Variants in NEGR1 observed in about 807,000 individuals in gnomAD.
NEGR1 encodes neuronal growth regulator 1.
A neutral mutation model predicts 40.9 loss-of-function variants in NEGR1; 10 were observed. The observed-to-expected ratio is 0.24, with a 90% confidence interval of 0.15 to 0.42. NEGR1 has a LOEUF of 0.42. Ranked by LOEUF, NEGR1 falls within the 10% of genes least tolerant of loss-of-function variation. The pLI is 1.00. For missense variants in NEGR1, 352 were observed against 438.9 expected (o/e 0.80, Z 1.77); for synonymous variants, 185 against 166.8 (o/e 1.11, Z -0.84).
intron 1 of NEGR1, among the ~76,000 whole-genome samples, chr1:72,140,325 T>C (rs553298087): frequency 6.6e-6 from 1 of 152,044 alleles, no homozygotes; most frequent in East Asian, 1.9e-4. Flanking sequence ...GAACAGGTAA[T>C]TTACAATGAA....
intron 4 of NEGR1, among the ~76,000 whole-genome samples, chr1:71,635,921 C>T (rs775889705): frequency 1.3e-5 from 2 of 151,768 alleles, no homozygotes; most frequent in Non-Finnish European, 2.9e-5. Flanking sequence ...GGTTCTTGAT[C>T]TGGGATAACT....
intron 2 of NEGR1, among the ~76,000 whole-genome samples, chr1:71,831,384 GT>G (rs1658835237): frequency 6.6e-6 from 1 of 151,902 alleles, no homozygotes; most frequent in African/African-American, 2.4e-5. Context: ...CTAGTTTGGG[GT>G]CATTCATGTT....
intron 1 of NEGR1, among the ~76,000 whole-genome samples, chr1:72,111,808 A>T (rs1649382035): frequency 6.6e-6 from 1 of 151,822 alleles, no homozygotes; most frequent in Admixed American, 6.6e-5. Context: ...TGAAAAGAGG[A>T]AATGGAGAGA....
chr1:72,231,930 A>G (rs760658926), intron 1 of NEGR1, among the ~76,000 whole-genome samples: 7 of 152,182 alleles, frequency 4.6e-5, no homozygotes, highest in Non-Finnish European at 1.0e-4. Context: ...TTACTCATAT[A>G]GATGCAGAGG....
intron 2 of NEGR1, among the ~76,000 whole-genome samples, chr1:71,898,881 AATATATATATATTGCAAAT>A (rs1557692677): frequency 7.6e-4 from 57 of 74,772 alleles, no homozygotes; most frequent in African/African-American, 2.7e-3. Flanking sequence ...ATATATTGCA[AATATATATATATTGCAAAT>A]ATATATATAT....
At chr1:71,991,948 C>T (rs765557782) in intron 1 of NEGR1, among the ~76,000 whole-genome samples, 11 of 152,046 alleles carry the variant, frequency 7.2e-5, no homozygotes, top group Middle Eastern at 3.2e-3. Context: ...CATACTGCCA[C>T]ACCTGGCTAA....
chr1:71,482,876 G>A (rs1324549410), intron 6 of NEGR1, among the ~76,000 whole-genome samples: 2 of 151,788 alleles, frequency 1.3e-5, no homozygotes, highest in South Asian at 2.1e-4. Flanking sequence ...CATGGATGAA[G>A]CACTAACGAT....
At chr1:71,962,959 A>T (rs1460023030) in intron 1 of NEGR1, among the ~76,000 whole-genome samples, 7 of 151,690 alleles carry the variant, frequency 4.6e-5, no homozygotes, top group Admixed American at 1.3e-4. Context: ...TGCTTATGAT[A>T]AAAAAAATAC....
At chr1:71,473,108 G>A (rs550743568) in intron 6 of NEGR1, among the ~76,000 whole-genome samples, 1 of 151,940 alleles carries the variant, frequency 6.6e-6, no homozygotes, top group Non-Finnish European at 1.5e-5. Flanking sequence ...AGAAGAAAAT[G>A]GAATAACAGG....
chr1:72,198,831 A>C (rs2100442737), intron 1 of NEGR1, among the ~76,000 whole-genome samples: 1 of 152,116 alleles, frequency 6.6e-6, no homozygotes, highest in South Asian at 2.1e-4. Flanking sequence ...ATCTTAAAAT[A>C]AGTTTTCCTT....
At chr1:72,271,794 C>T (rs748004703) in intron 1 of NEGR1, among the ~76,000 whole-genome samples, 2 of 151,848 alleles carry the variant, frequency 1.3e-5, no homozygotes, top group Non-Finnish European at 2.9e-5. Context: ...GGGGAAGTAA[C>T]TGAATCATGA....
At chr1:71,779,161 A>G (rs1656613714) in intron 2 of NEGR1, among the ~76,000 whole-genome samples, 1 of 152,198 alleles carries the variant, frequency 6.6e-6, no homozygotes, top group Non-Finnish European at 1.5e-5. Context: ...TAAGAGGGCC[A>G]GTGAAATCCT....
At chr1:72,219,527 T>C (rs6687579) in intron 1 of NEGR1, among the ~76,000 whole-genome samples, 6,711 of 152,124 alleles carry the variant, frequency 0.044, 523 homozygotes, top group African/African-American at 0.15. Flanking sequence ...GTTATATCCA[T>C]GTCTGCCATG....
At chr1:72,070,277 T>A (rs888698278) in intron 1 of NEGR1, among the ~76,000 whole-genome samples, 12 of 152,054 alleles carry the variant, frequency 7.9e-5, no homozygotes, top group African/African-American at 2.2e-4. Flanking sequence ...ATAACTTTTT[T>A]AAATTATAGC....
At chr1:71,610,291 ACT>A (rs1297759426) in intron 5 of NEGR1, among the ~76,000 whole-genome samples, 1 of 152,074 alleles carries the variant, frequency 6.6e-6, no homozygotes, top group Non-Finnish European at 1.5e-5. Context: ...TTTGACGCAG[ACT>A]CTATACAGTT....
chr1:72,282,021 T>G (rs929348990), intron 1 of NEGR1, among the ~76,000 whole-genome samples: 2 of 152,134 alleles, frequency 1.3e-5, no homozygotes, highest in African/African-American at 4.8e-5. Context: ...AGAGACCTTG[T>G]GCATTGAGTT....
intron 3 of NEGR1, among the ~76,000 whole-genome samples, chr1:71,769,750 G>A (rs1345156588): frequency 3.3e-5 from 5 of 152,166 alleles, no homozygotes; most frequent in African/African-American, 2.4e-5. Flanking sequence ...TCTTGGGTAT[G>A]TCTTTATTAG....
intron 2 of NEGR1, among the ~76,000 whole-genome samples, chr1:71,855,061 A>C (rs1364785646): frequency 6.6e-6 from 1 of 152,104 alleles, no homozygotes; most frequent in Non-Finnish European, 1.5e-5. Context: ...TTGATGCTTG[A>C]ATTTAAGATC....
At chr1:71,570,010 T>G (rs935321992) in intron 6 of NEGR1, among the ~76,000 whole-genome samples, 1 of 152,160 alleles carries the variant, frequency 6.6e-6, no homozygotes, top group African/African-American at 2.4e-5. Context: ...ACTAGTTTTA[T>G]GACTGTCATC....
Sources: allele counts gnomAD v4.1 joint callset (sites outside exome capture counted in the v4.1 genomes callset), GRCh38; gene constraint gnomAD v4.1.1; transcripts MANE v1.5; gene names NCBI Gene and HGNC (gene_info 2026-07-23, HGNC 2026-07-21).